The following MEF2B variants were observed in gnomAD, a reference collection of about 807,000 sequenced individuals.
The protein encoded by MEF2B is myocyte enhancer factor 2B, also known as myocyte-specific enhancer factor 2B.
A neutral mutation model predicts 32.2 loss-of-function variants in MEF2B; 15 were observed. That is an observed-to-expected ratio of 0.47 (90% CI 0.31 to 0.72). The LOEUF (loss-of-function observed/expected upper bound fraction) is 0.72. Ranked by LOEUF, MEF2B falls within the 30% of genes least tolerant of loss-of-function variation. The pLI is 0.05. For missense variants in MEF2B, 441 were observed against 511.5 expected (o/e 0.86, Z 1.33); for synonymous variants, 205 against 225.6 (o/e 0.91, Z 0.82).
intron 1 of MEF2B, among the ~76,000 whole-genome samples, chr19:19,162,468 C>A (rs1181208499): frequency 6.6e-6 from 1 of 152,178 alleles, no homozygotes; most frequent in East Asian, 1.9e-4. Context: ...CTCCACCCAC[C>A]AGGGGTGAAA....
At chr19:19,166,011 G>C in intron 1 of MEF2B, among the ~76,000 whole-genome samples, 1 of 152,090 alleles carries the variant, frequency 6.6e-6, no homozygotes, top group Non-Finnish European at 1.5e-5. Flanking sequence ...AGCCCTTACT[G>C]TCTGCCCGGG....
chr19:19,168,226 C>T (rs1302961057), intron 1 of MEF2B, among the ~76,000 whole-genome samples: 1 of 151,998 alleles, frequency 6.6e-6, no homozygotes, highest in East Asian at 1.9e-4. Flanking sequence ...GATTCTTGGC[C>T]AGGCTAGCCT....
At chr19:19,165,132 A>G (rs541816914) in intron 1 of MEF2B, among the ~76,000 whole-genome samples, 1 of 152,190 alleles carries the variant, frequency 6.6e-6, no homozygotes, top group South Asian at 2.1e-4. Context: ...GGTGCTGGGG[A>G]TGCAGGAGCA....
At chr19:19,157,827 G>A (rs2060130241) in intron 1 of MEF2B, among the ~76,000 whole-genome samples, 1 of 152,126 alleles carries the variant, frequency 6.6e-6, no homozygotes, top group Non-Finnish European at 1.5e-5. Flanking sequence ...CAGCCTGGGC[G>A]ACAGAGCGAG....
intron 1 of MEF2B, among the ~76,000 whole-genome samples, chr19:19,168,361 C>T (rs2060226491): frequency 6.6e-6 from 1 of 151,344 alleles, no homozygotes; most frequent in Non-Finnish European, 1.5e-5. Flanking sequence ...ACAACCTCCG[C>T]CTCCTGGGTT....
At chr19:19,148,458 C>T (rs1425302392) in intron 3 of MEF2B, among the ~76,000 whole-genome samples, 2 of 152,110 alleles carry the variant, frequency 1.3e-5, no homozygotes, top group African/African-American at 2.4e-5. Context: ...AAGCAAGACT[C>T]ATTCTCAAAA....
chr19:19,164,119 C>CA lies in MEF2B; in HGVS notation c.-30+6085dup, dbSNP rs1755382795. On this transcript the variant is annotated intron_variant, in intron 1 of 8. Transcript: ENST00000424583. ...GTAGCTGGGATCACAGGCTCGCCCCCACCATGCCCAGCTAATTTTTTATTT... is the reference window on the plus strand; with the variant it reads ...GTAGCTGGGATCACAGGCTCGCCCCCAACCATGCCCAGCTAATTTTTTATTT... 3.3e-5 allele frequency among the ~76,000 whole-genome samples: 5 copies of CA among 152,248 alleles called. No homozygotes were observed. In the South Asian group the frequency reaches 1.0e-3, roughly 32 times the overall value.
Position 19,147,711 on chromosome 19 carries a change from C to T in MEF2B, c.380G>A (p.Arg127Gln), listed in dbSNP as rs376625415. ...AGEGGDPALP[R>Q]PRLYPAAPAM... is the part of the protein sequence containing the mutation. ...GGAGTCACTTACATACAGCCGGGGT[C>T]GGGGCAAGGCCGGATCACCCCCTTC... Residue 127 changes from arginine (R) to glutamine (Q), a missense_variant, in exon 4 of 9, where the codon CGA becomes CAA. Arg to Gln is a conservative substitution (Grantham distance 43, BLOSUM62 1). This residue lies in a region of MEF2B where 115 missense variants were observed against 183.1 expected (regional missense o/e 0.63). Transcript: ENST00000424583. 4.2e-5 allele frequency: 67 copies of T among 1,613,382 alleles called. No individual in the cohort carries two copies. The highest frequency in any genetic ancestry group is 4.1e-5 in the Non-Finnish European group (48 of 1,179,680).
chr19:19,160,645 G>A (rs1257285935), intron 1 of MEF2B, among the ~76,000 whole-genome samples: 7 of 141,712 alleles, frequency 4.9e-5, no homozygotes, highest in African/African-American at 1.8e-4. Flanking sequence ...TGGGGGTGAG[G>A]GCCCGCGGGA....
intron 3 of MEF2B, among the ~76,000 whole-genome samples, chr19:19,148,115 T>G (rs1282165406): frequency 6.6e-6 from 1 of 152,270 alleles, no homozygotes; most frequent in African/African-American, 2.4e-5. Flanking sequence ...GCTCCTGACA[T>G]GACTCCAGGA....
At position 19,147,736 on chromosome 19, in the gene MEF2B, C is replaced by T. The variant is rs368616462; in HGVS notation, c.355G>A (p.Glu119Lys). ...PGEKFRRLAGEGGDPALPRPR... is the reference protein window; with the variant it reads ...PGEKFRRLAGKGGDPALPRPR... ...CGGGGCAAGGCCGGATCACCCCCTTCGCCTGCCAGCCTCCGAAACTTCTCT... is the reference window on the plus strand; with the variant it reads ...CGGGGCAAGGCCGGATCACCCCCTTTGCCTGCCAGCCTCCGAAACTTCTCT... Residue 119 changes from glutamate (E) to lysine (K), a missense_variant, in exon 4 of 9, where the codon GAA becomes AAA. Glu to Lys is a moderately conservative substitution (Grantham distance 56). Coordinates refer to ENST00000424583, the MANE Select transcript of MEF2B (RefSeq NM_001145785.2). 3.2e-5 allele frequency: 51 copies of T among 1,613,886 alleles called. No individual in the cohort carries two copies. Among genetic ancestry groups the T allele is most frequent in the Non-Finnish European group, 4.0e-5 (47 of 1,179,914 alleles).
rs777735120 is a variant in MEF2B at position 19,149,298 on chromosome 19, C to T, written c.186G>A (p.Met62Ile). ...CTGTGTACTTCAGCAGCACACGGTC[C>T]ATGTCCGTGCTGGCATACTGGAAGA... ...NRLFQYASTD[M>I]DRVLLKYTEY... The change falls in exon 3 of 9, where the codon ATG becomes ATA. Residue 62 changes from methionine to isoleucine, a missense_variant. Met to Ile is a conservative substitution (Grantham distance 10). Around this residue, in one of 2 missense-constraint regions of MEF2B, gnomAD observed 115 missense variants for 183.1 expected, o/e 0.63. Transcript: ENST00000424583. 2.5e-6 allele frequency: 4 copies of T among 1,613,926 alleles called. No homozygotes were observed. Among genetic ancestry groups the T allele is most frequent in the Non-Finnish European group, 3.4e-6 (4 of 1,179,998 alleles).
At chr19:19,159,386 A>C (rs934959983) in intron 1 of MEF2B, among the ~76,000 whole-genome samples, 5 of 151,854 alleles carry the variant, frequency 3.3e-5, no homozygotes, top group Non-Finnish European at 7.4e-5. Context: ...GGGCCACTGC[A>C]CTCCAGCCTG....
At chr19:19,156,218 A>G (rs2060119296) in intron 1 of MEF2B, among the ~76,000 whole-genome samples, 1 of 152,170 alleles carries the variant, frequency 6.6e-6, no homozygotes. Flanking sequence ...AAGTAGACCA[A>G]CAACCATAGA....
chr19:19,164,633 G>C (rs1426387784), intron 1 of MEF2B, among the ~76,000 whole-genome samples: 2 of 152,220 alleles, frequency 1.3e-5, no homozygotes, highest in Non-Finnish European at 2.9e-5. Context: ...GGCCAACATA[G>C]TGAAACCCCA....
In MEF2B at chr19:19,145,611, A is replaced by T. The variant is rs1599716454; in HGVS notation, c.*186T>A. 7.2e-6 allele frequency: 10 copies of T among 1,385,694 alleles called. No individual in the cohort carries two copies. The East Asian group carries it at 2.6e-4, about 36-fold the overall frequency. 85.8% of individuals were successfully genotyped at this position (1,385,694 alleles called of 1,614,324 possible). On this transcript the variant is annotated 3_prime_UTR_variant, in exon 9 of 9. Coordinates refer to ENST00000424583, the MANE Select transcript of MEF2B (RefSeq NM_001145785.2). This position sits in a 1 kb window ranked among gnomAD's most constrained non-coding sequence, Gnocchi z 4.6. ...GCGCGTTTTATTTGTGGATATACAC[A>T]CAAATAGGAAGAAGGAAAGGAGCCC...
At chr19:19,146,214 G>C in intron 8 of MEF2B, 59 bp downstream of exon 8, 1 of 870,120 alleles carries the variant, frequency 1.1e-6, no homozygotes. Context: ...GGCCACCAGG[G>C]GTCAGCAGCG....
At chr19:19,160,600 AAGG>A (rs1235516065) in intron 1 of MEF2B, among the ~76,000 whole-genome samples, 1 of 139,018 alleles carries the variant, frequency 7.2e-6, no homozygotes, top group African/African-American at 2.6e-5. Context: ...CAGGCCGGGA[AAGG>A]AGAAGTGAGA....
At chr19:19,159,137 C>T (rs905940979) in intron 1 of MEF2B, among the ~76,000 whole-genome samples, 1 of 150,580 alleles carries the variant, frequency 6.6e-6, no homozygotes, top group Non-Finnish European at 1.5e-5. Context: ...GATGGGGTTT[C>T]ACCATGTTGG....
Sources: allele counts gnomAD v4.1 joint callset (sites outside exome capture counted in the v4.1 genomes callset), GRCh38; gene constraint gnomAD v4.1.1; regional missense constraint gnomAD v4.1.1; non-coding constraint Gnocchi (gnomAD v3.1); transcripts MANE v1.5; gene names NCBI Gene and HGNC (gene_info 2026-07-23, HGNC 2026-07-21).